Variants in MTUS1 observed in about 807,000 individuals in gnomAD.
MTUS1 encodes the protein microtubule-associated tumor suppressor 1.
Under a neutral mutation model 120.8 loss-of-function variants are expected in MTUS1, and 109 were observed. The observed-to-expected ratio is 0.90, with a 90% CI of 0.77 to 1.06. The LOEUF (loss-of-function observed/expected upper bound fraction) is 1.06. Ranked by LOEUF, MTUS1 falls within the 50% of genes least tolerant of loss-of-function variation. MTUS1 has a pLI of 0.00. For missense variants in MTUS1, 2,210 were observed against 1,486.3 expected (o/e 1.49, Z -8.01); for synonymous variants, 737 against 550.5 (o/e 1.34, Z -4.74).
At position 17,645,900 on chromosome 8, in the gene MTUS1, G is replaced by A; in HGVS notation, c.*26C>T. ...GCAGACCTGCATCAAAATGCTTTCA[G>A]AGAGTCTGTGGACTTTGGGGAGGTG... On this transcript the variant is annotated 3_prime_UTR_variant, in exon 15 of 15. Transcript: ENST00000693296. 6.2e-7 allele frequency: 1 copy of A among 1,600,074 alleles called. No homozygotes were observed. Among genetic ancestry groups the A allele is most frequent in the African/African-American group, 1.3e-5 (1 of 74,902 alleles).
At chr8:17,655,765 T>A (rs889940039) in intron 9 of MTUS1, 98 bp downstream of exon 9, 3 of 1,028,450 alleles carry the variant, frequency 2.9e-6, no homozygotes, top group Admixed American at 1.8e-5. Context: ...TTATACCTAT[T>A]AGACTAAAAA....
At position 17,723,927 on chromosome 8, in the gene MTUS1, A is replaced by G. The variant is rs1421134591; in HGVS notation, c.2288-94T>C. 4.1e-6 allele frequency: 4 copies of G among 985,860 alleles called. No homozygotes were observed. In the East Asian group the frequency reaches 9.6e-5, roughly 24 times the overall value. The allele number at this position is 985,860 out of a possible 1,614,324, so 61.1% of individuals were successfully genotyped here. A position where few individuals can be genotyped will look rare whatever the true frequency, so the allele number is the denominator to read the frequency against. ...GTAAACTCAAACTTCTGCACTAACAACAAAGTCAAAACACAAAATGAATGT... is the reference window on the plus strand; with the variant it reads ...GTAAACTCAAACTTCTGCACTAACAGCAAAGTCAAAACACAAAATGAATGT... On this transcript the variant is annotated intron_variant, in intron 3 of 14. Transcript: ENST00000693296.
chr8:17,697,150 T>C, intron 6 of MTUS1: 1 of 1,409,538 alleles, frequency 7.1e-7, no homozygotes, highest in Non-Finnish European at 9.5e-7. Context: ...AGAGAGAGCT[T>C]TTTTCCTCCA....
At position 17,722,023 on chromosome 8, in the gene MTUS1, G is replaced by C. The variant is rs1055410773; in HGVS notation, c.2449+1649C>G. 7.9e-6 allele frequency: 11 copies of C among 1,388,032 alleles called. No individual in the cohort carries two copies. The Admixed American group carries it at 2.5e-4, about 31-fold the overall frequency. The allele number at this position is 1,388,032 out of a possible 1,614,324, so 86.0% of individuals were successfully genotyped here. A position where few individuals can be genotyped will look rare whatever the true frequency, so the allele number is the denominator to read the frequency against. ...AAAAAAAAAAATGCGTAAGCTCCAA[G>C]GCACTACACAAAACAGATTAAACCA... On this transcript the variant is annotated intron_variant, in intron 4 of 14. Coordinates refer to ENST00000693296, the MANE Select transcript of MTUS1 (RefSeq NM_001363059.2).
rs200751032 is a variant in MTUS1, at chr8:17,754,903, G to C, written c.905C>G (p.Pro302Arg). The change falls in exon 2 of 15, where the codon CCC becomes CGC. Residue 302 changes from proline (P) to arginine (R), a missense_variant. Pro to Arg is a moderately radical substitution (Grantham distance 103, BLOSUM62 -2). Coordinates refer to ENST00000693296, the MANE Select transcript of MTUS1 (RefSeq NM_001363059.2). ...LTPVSDGMEV[P>R]NDSALQEFFC... is the part of the protein sequence containing the mutation. ...GAACTCTTGTAATGCAGAATCATTGGGGACTTCCATGCCATCAGAAACTGG... is the reference window on the plus strand; with the variant it reads ...GAACTCTTGTAATGCAGAATCATTGCGGACTTCCATGCCATCAGAAACTGG... 33 of 1,614,204 alleles carry C rather than the reference G, an allele frequency of 2.0e-5. No homozygotes were observed. The highest frequency in any genetic ancestry group is 2.8e-5 in the Non-Finnish European group (33 of 1,180,038).
intron 7 of MTUS1, among the ~76,000 whole-genome samples, chr8:17,679,689 G>C (rs1005985110): frequency 6.6e-6 from 1 of 151,866 alleles, no homozygotes; most frequent in Non-Finnish European, 1.5e-5. Context: ...TTTTGGTAGA[G>C]ACAGGGTTTC....
At position 17,643,924 on chromosome 8, in the gene MTUS1, A is replaced by G. The variant is rs1057210229; in HGVS notation, c.*2002T>C. 1.3e-5 allele frequency: 2 copies of G among 152,222 alleles called. No individual in the cohort carries two copies. Among genetic ancestry groups the G allele is most frequent in the Non-Finnish European group, 2.9e-5 (2 of 68,030 alleles). 9.4% of individuals were successfully genotyped at this position (152,222 alleles called of 1,614,324 possible). ...GACGTGCCAACATTTTGCATTCTAC[A>G]TGAAACATTTGGTTTAAACAAAATC... On this transcript the variant is annotated 3_prime_UTR_variant, in exon 15 of 15. Coordinates refer to ENST00000693296, the MANE Select transcript of MTUS1 (RefSeq NM_001363059.2).
Position 17,653,464 on chromosome 8 carries a change from C to A in MTUS1, c.3249G>T (p.Ser1083=). 1 of 1,612,132 alleles carries A rather than the reference C, an allele frequency of 6.2e-7. No individual in the cohort carries two copies. The highest frequency in any genetic ancestry group is 8.5e-7 in the Non-Finnish European group (1 of 1,179,290). The change falls in exon 11 of 15, where the codon TCG becomes TCT. Residue 1083 remains serine (S), a synonymous_variant. Coordinates refer to ENST00000693296, the MANE Select transcript of MTUS1 (RefSeq NM_001363059.2). ...GCTTCTCAGAAAGTAAATCTTCAAG[C>A]GATTTCTTTTCTATTTCATGGCCTT... ...IKKGHEIEKK[S]LEDLLSEKQE...
chr8:17,713,936 T>C (rs1367330797), intron 5 of MTUS1, among the ~76,000 whole-genome samples: 1 of 152,222 alleles, frequency 6.6e-6, no homozygotes, highest in Non-Finnish European at 1.5e-5. Flanking sequence ...GGTAAAACTG[T>C]TGCGACATAA....
intron 1 of MTUS1, among the ~76,000 whole-genome samples, chr8:17,759,267 A>T (rs2517282): frequency 0.56 from 82,999 of 149,146 alleles, 23,603 homozygotes; most frequent in Middle Eastern, 0.63. Flanking sequence ...GTCTTTTTTT[A>T]TTTTTCTTTT....
chr8:17,738,459 C>T (rs879055988), intron 3 of MTUS1, among the ~76,000 whole-genome samples: 3 of 152,162 alleles, frequency 2.0e-5, no homozygotes, highest in Non-Finnish European at 4.4e-5. Flanking sequence ...CTGGTATTGC[C>T]TCCAAAAGAG....
intron 8 of MTUS1, among the ~76,000 whole-genome samples, chr8:17,660,927 C>G (rs1809547388): frequency 1.3e-5 from 2 of 152,166 alleles, no homozygotes; most frequent in African/African-American, 4.8e-5. Flanking sequence ...CAGACGGAGG[C>G]CAGATTACAG....
intron 3 of MTUS1, among the ~76,000 whole-genome samples, chr8:17,741,062 G>A (rs561315209): frequency 1.3e-5 from 2 of 152,036 alleles, no homozygotes; most frequent in South Asian, 4.1e-4. Flanking sequence ...GTAGAGAAGG[G>A]GTTTCCCCAC....
intron 3 of MTUS1, among the ~76,000 whole-genome samples, chr8:17,741,831 C>T (rs992461018): frequency 6.6e-6 from 1 of 152,170 alleles, no homozygotes; most frequent in Non-Finnish European, 1.5e-5. Context: ...AAGGTAAGGG[C>T]TGTAAAAGCT....
At chr8:17,646,220 T>G in intron 14 of MTUS1, 81 bp from the exon 15 acceptor site, 1 of 1,370,590 alleles carries the variant, frequency 7.3e-7, no homozygotes, top group Non-Finnish European at 9.7e-7. Context: ...GTTTGAAACT[T>G]TAAAGTCCAA....
At position 17,688,363 on chromosome 8, in the gene MTUS1, T is replaced by A. The variant is rs528392671; in HGVS notation, c.2624-3821A>T. ...AAAGACACCAAAGATCTCTGCTGAC[T>A]CATGTTTCCCTAGTGCTCAGCTCTT... On this transcript the variant is annotated intron_variant, in intron 6 of 14. Coordinates refer to ENST00000693296, the MANE Select transcript of MTUS1 (RefSeq NM_001363059.2). Among the ~76,000 whole-genome samples the A allele has an allele frequency of 6.6e-5, 10 of 152,346 alleles. No homozygotes were observed. In the South Asian group the frequency reaches 1.9e-3, roughly 28 times the overall value.
intron 2 of MTUS1, among the ~76,000 whole-genome samples, chr8:17,744,320 C>CT (rs2047565630): frequency 6.6e-6 from 1 of 152,152 alleles, no homozygotes; most frequent in Non-Finnish European, 1.5e-5. Flanking sequence ...AAGGCGGCCA[C>CT]GTATGAGATT....
chr8:17,682,515 C>A (rs9325818), intron 7 of MTUS1, among the ~76,000 whole-genome samples: 111,666 of 123,102 alleles, frequency 0.91, 50,342 homozygotes, highest in Admixed American at 0.92. Context: ...AAGACTCCAT[C>A]CCAAAAAAAA....
intron 1 of MTUS1, among the ~76,000 whole-genome samples, chr8:17,780,710 G>A (rs1282870135): frequency 6.6e-6 from 1 of 152,132 alleles, no homozygotes; most frequent in Non-Finnish European, 1.5e-5. Flanking sequence ...CAAATCATGA[G>A]CCTCTGCCTC....
Sources: gnomAD v4.1 joint callset for allele counts (sites outside exome capture counted in the v4.1 genomes callset) on GRCh38, gnomAD v4.1.1 for gene constraint, MANE v1.5 for transcripts, NCBI Gene and HGNC (gene_info 2026-07-23, HGNC 2026-07-21) for gene names.